METAP1: variants seen among roughly 807,000 people sequenced by gnomAD.
The protein encoded by METAP1 is methionine aminopeptidase 1.
METAP1 carries 28 observed loss-of-function variants against 53.8 expected under a neutral mutation model. The ratio of observed to expected loss-of-function variants is 0.52; its 90% confidence interval spans 0.39 to 0.71. METAP1 has a LOEUF of 0.71. Ranked by LOEUF, METAP1 falls within the 30% of genes least tolerant of loss-of-function variation. METAP1 has a pLI of 0.00. For missense variants in METAP1, 389 were observed against 479.8 expected (o/e 0.81, Z 1.77); for synonymous variants, 181 against 165.7 (o/e 1.09, Z -0.71).
At chr4:99,022,370 A>G in intron 1 of METAP1, 1 of 890,806 alleles carries the variant, frequency 1.1e-6, no homozygotes, top group East Asian at 2.9e-5. Context: ...GGGGCTCCAA[A>G]GATCCTGGCC....
At chr4:99,040,999 G>C (rs772633980) in intron 5 of METAP1, 44 bp from the exon 6 acceptor site, 8 of 1,406,550 alleles carry the variant, frequency 5.7e-6, no homozygotes, top group Non-Finnish European at 6.9e-6. Flanking sequence ...ATAGATTTCT[G>C]TTTCTGTGTC....
chr4:99,045,103 G>A, intron 7 of METAP1, 76 bp from the exon 8 acceptor site: 13 of 1,425,886 alleles, frequency 9.1e-6, no homozygotes, highest in Non-Finnish European at 9.6e-6. Flanking sequence ...GTTGCTAGAT[G>A]CTGTCATGTT....
intron 1 of METAP1, chr4:99,023,085 C>T: frequency 8.0e-7 from 1 of 1,249,026 alleles, no homozygotes; most frequent in Non-Finnish European, 1.1e-6. Context: ...CTGTCCCTTC[C>T]AGCGCCTTTG....
intron 9 of METAP1, among the ~76,000 whole-genome samples, chr4:99,053,658 G>C (rs1042561474): frequency 3.3e-5 from 5 of 152,124 alleles, no homozygotes; most frequent in African/African-American, 1.2e-4. Context: ...GGCAGCCTTA[G>C]AAAATGTATT....
chr4:99,011,078 A>G (rs1723443218), intron 1 of METAP1, among the ~76,000 whole-genome samples: 1 of 151,738 alleles, frequency 6.6e-6, no homozygotes, highest in Non-Finnish European at 1.5e-5. Flanking sequence ...GGTTTTCTAC[A>G]TGTATAAGAT....
chr4:99,004,176 G>T (rs984835209), intron 1 of METAP1, among the ~76,000 whole-genome samples: 1 of 152,190 alleles, frequency 6.6e-6, no homozygotes, highest in African/African-American at 2.4e-5. Flanking sequence ...TGTTCAGCTA[G>T]CTATTTGGAA....
At chr4:99,009,313 A>C (rs1689152117) in intron 1 of METAP1, among the ~76,000 whole-genome samples, 1 of 152,224 alleles carries the variant, frequency 6.6e-6, no homozygotes, top group African/African-American at 2.4e-5. Context: ...TATTGTAAAT[A>C]GTGCTTATGA....
chr4:99,052,746 G>C (rs1006672842), intron 9 of METAP1, among the ~76,000 whole-genome samples: 8 of 152,146 alleles, frequency 5.3e-5, no homozygotes, highest in African/African-American at 1.9e-4. Context: ...CTTGAAATAA[G>C]ACAACAAAGT....
intron 10 of METAP1, among the ~76,000 whole-genome samples, chr4:99,060,338 AAG>A (rs1478370388): frequency 6.6e-6 from 1 of 150,536 alleles, no homozygotes; most frequent in East Asian, 2.0e-4. Flanking sequence ...TACCTCATAG[AAG>A]TGGAATCATT....
At chr4:99,031,339 G>A in intron 2 of METAP1, 4 of 539,140 alleles carry the variant, frequency 7.4e-6, no homozygotes, top group Non-Finnish European at 7.1e-6. Context: ...GACATATTCA[G>A]TGTGTTTGTT....
chr4:98,997,464 T>C (rs1722692712), intron 1 of METAP1: 1 of 154,772 alleles, frequency 6.5e-6, no homozygotes, highest in South Asian at 2.0e-4. Flanking sequence ...TTAGATTCTT[T>C]AAAATTCCCA....
intron 2 of METAP1, among the ~76,000 whole-genome samples, chr4:99,032,272 G>T (rs1316283395): frequency 6.6e-6 from 1 of 151,416 alleles, no homozygotes; most frequent in Non-Finnish European, 1.5e-5. Flanking sequence ...CTGTTGCCCA[G>T]GCTGGAGTGC....
intron 5 of METAP1, 135 bp downstream of exon 5, chr4:99,039,600 T>A (rs1386496891): frequency 9.9e-6 from 5 of 506,182 alleles, no homozygotes; most frequent in African/African-American, 6.1e-5. Context: ...TTTTTTTTTT[T>A]AACTTTTTTT....
intron 6 of METAP1, among the ~76,000 whole-genome samples, chr4:99,042,937 C>A (rs1179781134): frequency 6.6e-6 from 1 of 151,988 alleles, no homozygotes; most frequent in Non-Finnish European, 1.5e-5. Flanking sequence ...CTTTGAGTGT[C>A]CTGTCGGTGT....
chr4:99,057,676 T>C lies in METAP1; in HGVS notation c.932-77T>C, dbSNP rs540659948. ...CAATCACTGATGGGAATTTGAGTTATGTACTCTTTCTAGTTAGCTGTTCAA... is the reference window on the plus strand; with the variant it reads ...CAATCACTGATGGGAATTTGAGTTACGTACTCTTTCTAGTTAGCTGTTCAA... On this transcript the variant is annotated intron_variant, in intron 9 of 10. Transcript: ENST00000296411. The C allele has an allele frequency of 5.8e-5, 59 of 1,021,334 alleles. No individual in the cohort carries two copies. The East Asian group carries it at 1.4e-3, about 23-fold the overall frequency. 63.3% of individuals were successfully genotyped at this position (1,021,334 alleles called of 1,614,324 possible). A position where few individuals can be genotyped will look rare whatever the true frequency, so the allele number is the denominator to read the frequency against.
At chr4:99,057,545 C>T (rs1289051389) in intron 9 of METAP1, among the ~76,000 whole-genome samples, 3 of 128,990 alleles carry the variant, frequency 2.3e-5, no homozygotes, top group African/African-American at 3.8e-5. Context: ...AACACATAAG[C>T]GTAATTGAAA....
rs749653198 is a variant in METAP1, at chr4:99,061,253, C to T, written c.1097C>T (p.Thr366Ile). ...GAGCACACCCTCCTGGTCACAGACACTGGCTGTGAAATCCTAACCCGGCGA... is the reference window on the plus strand; with the variant it reads ...GAGCACACCCTCCTGGTCACAGACATTGGCTGTGAAATCCTAACCCGGCGA... ...QFEHTLLVTD[T>I]GCEILTRRLD... Residue 366 changes from threonine (T) to isoleucine (I), a missense_variant, in exon 11 of 11, where the codon ACT becomes ATT. Physicochemically the swap from Thr to Ile is moderately conservative, Grantham distance 89. Coordinates refer to ENST00000296411, the MANE Select transcript of METAP1 (RefSeq NM_015143.3). 6 of 1,613,740 alleles carry T rather than the reference C, an allele frequency of 3.7e-6. No individual in the cohort carries two copies. The African/African-American group carries it at 4.0e-5, about 11-fold the overall frequency.
intron 1 of METAP1, among the ~76,000 whole-genome samples, chr4:99,007,874 A>G (rs757785189): frequency 1.3e-4 from 20 of 152,174 alleles, no homozygotes; most frequent in Non-Finnish European, 2.5e-4. Context: ...CCAGCCCCAG[A>G]TCTGCAATCA....
At chr4:98,998,525 G>A (rs1244329087) in intron 1 of METAP1, among the ~76,000 whole-genome samples, 2 of 151,384 alleles carry the variant, frequency 1.3e-5, no homozygotes, top group Non-Finnish European at 1.5e-5. Flanking sequence ...TCCGTCTCAA[G>A]AAAAAAACAA....
Sources: allele counts gnomAD v4.1 joint callset (sites outside exome capture counted in the v4.1 genomes callset), GRCh38; gene constraint gnomAD v4.1.1; transcripts MANE v1.5; gene names NCBI Gene and HGNC (gene_info 2026-07-23, HGNC 2026-07-21).